The following TRIM15 variants were observed in gnomAD, a reference collection of about 807,000 sequenced individuals.
TRIM15 encodes tripartite motif containing 15, also known as E3 ubiquitin-protein ligase TRIM15.
In TRIM15, 35 loss-of-function variants were observed where a neutral mutation model predicts 35.8. The observed-to-expected ratio is 0.98, with a 90% CI of 0.75 to 1.30. The LOEUF is 1.30. TRIM15 is among the 50% of genes most tolerant of loss of function. The pLI is 0.00. For missense variants in TRIM15, 590 were observed against 593.5 expected (o/e 0.99, Z 0.06); for synonymous variants, 252 against 249.8 (o/e 1.01, Z -0.08).
chr6:30,172,058 G>T lies in TRIM15; in HGVS notation c.1107G>T (p.Gly369=), dbSNP rs1199473793. The T allele has an allele frequency of 1.3e-6, 2 of 1,570,546 alleles. No individual in the cohort carries two copies. Among genetic ancestry groups the T allele is most frequent in the East Asian group, 2.3e-5 (1 of 42,812 alleles). The change falls in exon 7 of 7, where the codon GGG becomes GGT. Residue 369 remains glycine (G), a synonymous_variant. Coordinates refer to ENST00000376694, the MANE Select transcript of TRIM15 (RefSeq NM_033229.3). ...GCGGCTGCACGGTGGGGGTGGCCGGGGAGGGGGTGAGGAGGAAGGGAGAGA... is the reference window on the plus strand; with the variant it reads ...GCGGCTGCACGGTGGGGGTGGCCGGTGAGGGGGTGAGGAGGAAGGGAGAGA... ...DGGGCTVGVA[G]EGVRRKGEMG...
chr6:30,171,906 A>G lies in TRIM15; in HGVS notation c.955A>G (p.Thr319Ala). ...GGAAGACAGGAAGTCAGTGAGGTAC[A>G]CCCGGCAGAAGAAGAGCCTGCCAGA... ...LSEDRKSVRY[T>A]RQKKSLPDSP... Residue 319 changes from threonine to alanine, a missense_variant, in exon 7 of 7, where the codon ACC becomes GCC. By Grantham distance (58) the Thr-to-Ala change is moderately conservative (BLOSUM62 0). Transcript: ENST00000376694. 6.2e-7 allele frequency: 1 copy of G among 1,600,516 alleles called. No individual in the cohort carries two copies. The highest frequency in any genetic ancestry group is 1.1e-5 in the South Asian group (1 of 89,180).
intron 1 of TRIM15, 124 bp downstream of exon 1, chr6:30,164,189 A>G: frequency 7.3e-7 from 1 of 1,372,954 alleles, no homozygotes; most frequent in Non-Finnish European, 9.7e-7. Flanking sequence ...GGTTACAGGG[A>G]CTTTCGAGGC....
intron 4 of TRIM15, chr6:30,170,274 C>T (rs1477149315): frequency 3.8e-6 from 2 of 520,366 alleles, no homozygotes; most frequent in African/African-American, 3.8e-5. Flanking sequence ...AGGGGCTTAC[C>T]TCCAATTCTT....
rs1261185645 is a variant in TRIM15, at chr6:30,172,181, G to C, written c.1230G>C (p.Glu410Asp). 1.9e-6 allele frequency: 3 copies of C among 1,606,438 alleles called. No individual in the cohort carries two copies. In the African/African-American group the frequency reaches 4.0e-5, roughly 21 times the overall value. Residue 410 changes from glutamate (E) to aspartate (D), a missense_variant, in exon 7 of 7, where the codon GAG becomes GAC. Coordinates refer to ENST00000376694, the MANE Select transcript of TRIM15 (RefSeq NM_033229.3). ...CGGGCACCGACCTGCCGCTGAGCGAGATCCCGCGCGGCGTGAGAGTCGCCC... is the reference window on the plus strand; with the variant it reads ...CGGGCACCGACCTGCCGCTGAGCGACATCCCGCGCGGCGTGAGAGTCGCCC... ...TSPGTDLPLS[E>D]IPRGVRVALD... is the part of the protein sequence containing the mutation.
Position 30,166,317 on chromosome 6 carries a change from C to T in TRIM15, c.382-859C>T, listed in dbSNP as rs373002457. Reference sequence around the variant, plus strand: ...GAAGGGGTCCAGTTTCAGTTTTCTGCATATGGCTAGCCAGTTTTCCCAACA... The same window carrying T: ...GAAGGGGTCCAGTTTCAGTTTTCTGTATATGGCTAGCCAGTTTTCCCAACA... On this transcript the variant is annotated intron_variant, in intron 1 of 6. Coordinates refer to ENST00000376694, the MANE Select transcript of TRIM15 (RefSeq NM_033229.3). 3.3e-5 allele frequency among the ~76,000 whole-genome samples: 5 copies of T among 152,282 alleles called. No individual in the cohort carries two copies. The East Asian group carries it at 7.7e-4, about 23-fold the overall frequency.
intron 2 of TRIM15, among the ~76,000 whole-genome samples, chr6:30,168,018 T>C (rs1773735058): frequency 6.6e-6 from 1 of 152,226 alleles, no homozygotes; most frequent in Non-Finnish European, 1.5e-5. Flanking sequence ...AGTAGGGTTA[T>C]GATGGTATTG....
chr6:30,172,358 G>A lies in TRIM15; in HGVS notation c.*9G>A, dbSNP rs1774100759. 6.3e-7 allele frequency: 1 copy of A among 1,583,750 alleles called. No homozygotes were observed. The highest frequency in any genetic ancestry group is 1.3e-5 in the African/African-American group (1 of 74,158). On this transcript the variant is annotated 3_prime_UTR_variant, in exon 7 of 7. Coordinates refer to ENST00000376694, the MANE Select transcript of TRIM15 (RefSeq NM_033229.3). ...TTACGCTGAAAGGCTGAAGTGGGGC[G>A]CGCGAAGGGCGGCGAAGCGGAGACG...
chr6:30,167,546 A>C (rs1429103726), intron 2 of TRIM15, among the ~76,000 whole-genome samples: 1 of 152,238 alleles, frequency 6.6e-6, no homozygotes, highest in Non-Finnish European at 1.5e-5. Flanking sequence ...CCACATAGCA[A>C]AGCTGAAGTT....
Position 30,164,014 on chromosome 6 carries a change from G to A in TRIM15, c.330G>A (p.Thr110=). 6 of 1,613,064 alleles carry A rather than the reference G, an allele frequency of 3.7e-6. No homozygotes were observed. The highest frequency in any genetic ancestry group is 5.1e-6 in the Non-Finnish European group (6 of 1,179,998). Residue 110 remains threonine, a synonymous_variant, in exon 1 of 7, where the codon ACG becomes ACA. Transcript: ENST00000376694. The part of the protein sequence containing the change: ...FLCVFCREGP[T]HQAHTVGFLD... ...GTGTGTTCTGCAGGGAGGGTCCCAC[G>A]CACCAGGCGCACACCGTGGGGTTCC...
chr6:30,167,602 A>T (rs1773697105), intron 2 of TRIM15, among the ~76,000 whole-genome samples: 1 of 152,226 alleles, frequency 6.6e-6, no homozygotes, highest in Non-Finnish European at 1.5e-5. Flanking sequence ...TGTTCTTTCC[A>T]TCCTAGTCTG....
chr6:30,164,143 A>G, intron 1 of TRIM15, 78 bp downstream of exon 1: 27 of 1,530,022 alleles, frequency 1.8e-5, no homozygotes, highest in Non-Finnish European at 2.3e-5. Flanking sequence ...TCGGGCGGGG[A>G]TCTGGATGAA....
Position 30,167,237 on chromosome 6 carries a change from A to C in TRIM15, c.443A>C (p.Lys148Thr), listed in dbSNP as rs762534922. 4 of 1,612,976 alleles carry C rather than the reference A, an allele frequency of 2.5e-6. No homozygotes were observed. The highest frequency in any genetic ancestry group is 1.7e-5 in the Admixed American group (1 of 59,994). The change falls in exon 2 of 7, where the codon AAG becomes ACG. Residue 148 changes from lysine to threonine, a missense_variant. Physicochemically the swap from Lys to Thr is moderately conservative, Grantham distance 78. Coordinates refer to ENST00000376694, the MANE Select transcript of TRIM15 (RefSeq NM_033229.3). Reference protein sequence around the residue: ...STERDEIEDVKCQEDQKLQVL... With the variant: ...STERDEIEDVTCQEDQKLQVL... ...GAGAGAGATGAGATTGAGGATGTAA[A>C]GTGTCAAGAAGACCAGAAGCTTCAA... is the stretch of plus-strand genomic sequence containing the variant.
At position 30,168,348 on chromosome 6, in the gene TRIM15, C is replaced by A; in HGVS notation, c.526C>A (p.Leu176Met). The change falls in exon 3 of 7, where the codon CTG (leucine) becomes ATG (methionine). Residue 176 changes from leucine to methionine, a missense_variant. Coordinates refer to ENST00000376694, the MANE Select transcript of TRIM15 (RefSeq NM_033229.3). ...TCAGGTGGAAACAGCTTTTGAGAGGCTGCAGCAGGAGCTGGAGCAGCAGCG... is the reference window on the plus strand; with the variant it reads ...TCAGGTGGAAACAGCTTTTGAGAGGATGCAGCAGGAGCTGGAGCAGCAGCG... ...KHQVETAFER[L>M]QQELEQQRCL... 1 of 1,613,086 alleles carries A rather than the reference C, an allele frequency of 6.2e-7. No homozygotes were observed. The highest frequency in any genetic ancestry group is 8.5e-7 in the Non-Finnish European group (1 of 1,180,032).
In TRIM15 at chr6:30,172,194, G is replaced by T; in HGVS notation, c.1243G>T (p.Val415Leu). The change falls in exon 7 of 7, where the codon GTG becomes TTG. Residue 415 changes from valine (V) to leucine (L), a missense_variant. Physicochemically the swap from Val to Leu is conservative, Grantham distance 32. Transcript: ENST00000376694. ...DLPLSEIPRG[V>L]RVALDYEAGQ... is the part of the protein sequence containing the mutation. ...GCCGCTGAGCGAGATCCCGCGCGGC[G>T]TGAGAGTCGCCCTGGACTACGAGGC... is the stretch of plus-strand genomic sequence containing the variant. The T allele has an allele frequency of 6.2e-7, 1 of 1,609,526 alleles. No individual in the cohort carries two copies. Among genetic ancestry groups the T allele is most frequent in the Non-Finnish European group, 8.5e-7 (1 of 1,178,496 alleles).
At position 30,172,359 on chromosome 6, in the gene TRIM15, C is replaced by T. The variant is rs1245562726; in HGVS notation, c.*10C>T. On this transcript the variant is annotated 3_prime_UTR_variant, in exon 7 of 7. Coordinates refer to ENST00000376694, the MANE Select transcript of TRIM15 (RefSeq NM_033229.3). ...TACGCTGAAAGGCTGAAGTGGGGCG[C>T]GCGAAGGGCGGCGAAGCGGAGACGG... The T allele has an allele frequency of 2.5e-6, 4 of 1,583,510 alleles. No homozygotes were observed. Among genetic ancestry groups the T allele is most frequent in the Non-Finnish European group, 3.4e-6 (4 of 1,164,894 alleles).
In TRIM15 at chr6:30,163,765, G is replaced by T. The variant is rs781031500; in HGVS notation, c.81G>T (p.Val27=). 3 of 1,612,878 alleles carry T rather than the reference G, an allele frequency of 1.9e-6. No homozygotes were observed. The highest frequency in any genetic ancestry group is 2.5e-6 in the Non-Finnish European group (3 of 1,180,022). ...GTGCGGGGCCGCTGGAGGATGCGGTGACCATTCCCTGTGGACACACCTTCT... is the reference window on the plus strand; with the variant it reads ...GTGCGGGGCCGCTGGAGGATGCGGTTACCATTCCCTGTGGACACACCTTCT... ...TLCAGPLEDA[V]TIPCGHTFCR... is the part of the protein sequence containing the mutation. The change falls in exon 1 of 7, where the codon GTG becomes GTT. Residue 27 remains valine (V), a synonymous_variant. Transcript: ENST00000376694.
At chr6:30,165,866 T>G (rs1773559513) in intron 1 of TRIM15, among the ~76,000 whole-genome samples, 1 of 152,260 alleles carries the variant, frequency 6.6e-6, no homozygotes, top group Non-Finnish European at 1.5e-5. Context: ...ATGATGAGCT[T>G]CTTTTCATAG....
In TRIM15 at chr6:30,171,019, T is replaced by C; in HGVS notation, c.880+11T>C. Reference sequence around the variant, plus strand: ...TGGAAATAGATTCAGGTAAACAGCTTGGGATTTGGGGAGTCATTCTTCCAT... The same window carrying C: ...TGGAAATAGATTCAGGTAAACAGCTCGGGATTTGGGGAGTCATTCTTCCAT... On this transcript the variant is annotated intron_variant, in intron 6 of 6. Transcript: ENST00000376694. 6.2e-7 allele frequency: 1 copy of C among 1,610,926 alleles called. No homozygotes were observed. Among genetic ancestry groups the C allele is most frequent in the Non-Finnish European group, 8.5e-7 (1 of 1,178,974 alleles).
At position 30,171,868 on chromosome 6, in the gene TRIM15, G is replaced by T. The variant is rs757256623; in HGVS notation, c.917G>T (p.Ser306Ile). The T allele has an allele frequency of 1.9e-6, 3 of 1,590,844 alleles. No homozygotes were observed. Among genetic ancestry groups the T allele is most frequent in the Non-Finnish European group, 2.6e-6 (3 of 1,168,134 alleles). ...ITLDPQTASRSLVLSEDRKSV... is the reference protein window; with the variant it reads ...ITLDPQTASRILVLSEDRKSV... ...CTGGACCCTCAGACCGCCAGCCGGAGCCTGGTTCTCTCGGAAGACAGGAAG... is the reference window on the plus strand; with the variant it reads ...CTGGACCCTCAGACCGCCAGCCGGATCCTGGTTCTCTCGGAAGACAGGAAG... Residue 306 changes from serine (S) to isoleucine (I), a missense_variant, in exon 7 of 7, where the codon AGC becomes ATC. Coordinates refer to ENST00000376694, the MANE Select transcript of TRIM15 (RefSeq NM_033229.3).
Sources: gnomAD v4.1 joint callset for allele counts (sites outside exome capture counted in the v4.1 genomes callset) on GRCh38, gnomAD v4.1.1 for gene constraint, MANE v1.5 for transcripts, NCBI Gene and HGNC (gene_info 2026-07-23, HGNC 2026-07-21) for gene names.